Variants in SGCZ observed in about 807,000 individuals in gnomAD.
The protein encoded by SGCZ is zeta-sarcoglycan.
SGCZ carries 40 observed loss-of-function variants against 41.3 expected under a neutral mutation model. The ratio of observed to expected loss-of-function variants is 0.97; its 90% CI spans 0.75 to 1.26. The LOEUF (loss-of-function observed/expected upper bound fraction) is 1.26, where lower values mean the gene tolerates loss of function less well. Ranked by LOEUF, SGCZ falls within the 50% of genes most tolerant of loss-of-function variation. The probability of loss-of-function intolerance (pLI) is 0.00; values close to 1 mark genes in which losing one functional copy is unlikely to be tolerated. For synonymous variants in SGCZ, 206 were observed against 137.5 expected, an observed-to-expected ratio of 1.50 and a Z score of -3.49; for missense variants, 552 against 369.8, an observed-to-expected ratio of 1.49 and a Z score of -4.04.
intron 1 of SGCZ, among the ~76,000 whole-genome samples, chr8:14,769,809 A>AAAAAAAAAC (rs1800173605): frequency 6.7e-6 from 1 of 149,802 alleles, no homozygotes; most frequent in African/African-American, 2.5e-5. Flanking sequence ...AAAAAAAAAA[A>AAAAAAAAAC]AAAAAACCCA....
chr8:14,871,942 G>GTATA (rs564294844), intron 1 of SGCZ, among the ~76,000 whole-genome samples: 3 of 149,064 alleles, frequency 2.0e-5, no homozygotes, highest in African/African-American at 4.9e-5. Context: ...ATGTATATGT[G>GTATA]TATATATATA....
At chr8:14,447,415 A>C (rs1800464027) in intron 2 of SGCZ, among the ~76,000 whole-genome samples, 1 of 152,194 alleles carries the variant, frequency 6.6e-6, no homozygotes, top group Non-Finnish European at 1.5e-5. Context: ...ATCTAATGGA[A>C]TCCCAGGCAT....
chr8:14,545,131 TAGAA>T (rs957346789), intron 2 of SGCZ, among the ~76,000 whole-genome samples: 1 of 151,938 alleles, frequency 6.6e-6, no homozygotes, highest in African/African-American at 2.4e-5. Context: ...TTATGGAAAA[TAGAA>T]AGAACCTACA....
chr8:15,168,558 G>C (rs1275810095), intron 1 of SGCZ, among the ~76,000 whole-genome samples: 1 of 151,634 alleles, frequency 6.6e-6, no homozygotes, highest in East Asian at 2.0e-4. Context: ...TGCAAGGATG[G>C]AAGACGGAGA....
intron 2 of SGCZ, among the ~76,000 whole-genome samples, chr8:14,540,367 T>G (rs954195520): frequency 2.0e-5 from 3 of 151,506 alleles, no homozygotes; most frequent in Admixed American, 1.3e-4. Flanking sequence ...TTTTTATGGC[T>G]GAATATTACC....
At chr8:14,143,919 G>C (rs1803447142) in intron 5 of SGCZ, among the ~76,000 whole-genome samples, 1 of 152,166 alleles carries the variant, frequency 6.6e-6, no homozygotes, top group African/African-American at 2.4e-5. Context: ...ATGAAACTCA[G>C]CTGATGCCCA....
intron 5 of SGCZ, among the ~76,000 whole-genome samples, chr8:14,113,214 G>A (rs982310870): frequency 3.3e-5 from 5 of 151,980 alleles, no homozygotes; most frequent in Non-Finnish European, 7.4e-5. Flanking sequence ...CAATACTCCT[G>A]TAATCTGAGC....
intron 1 of SGCZ, among the ~76,000 whole-genome samples, chr8:14,810,885 A>T (rs569637070): frequency 2.6e-5 from 4 of 152,212 alleles, no homozygotes; most frequent in Non-Finnish European, 5.9e-5. Flanking sequence ...TTTGTGCATA[A>T]CATAGAGAAT....
At chr8:14,153,352 GAA>G (rs1338655944) in intron 5 of SGCZ, among the ~76,000 whole-genome samples, 1 of 152,096 alleles carries the variant, frequency 6.6e-6, no homozygotes, top group African/African-American at 2.4e-5. Flanking sequence ...TCTTCCAGGG[GAA>G]AGTTTTGACT....
intron 1 of SGCZ, among the ~76,000 whole-genome samples, chr8:15,004,379 T>G (rs1802526843): frequency 6.6e-6 from 1 of 151,940 alleles, no homozygotes; most frequent in Admixed American, 6.6e-5. Context: ...GGGTGGATAC[T>G]AGGTGGGGAA....
chr8:14,681,993 A>G (rs1294817588), intron 1 of SGCZ, among the ~76,000 whole-genome samples: 1 of 152,146 alleles, frequency 6.6e-6, no homozygotes, highest in East Asian at 1.9e-4. Flanking sequence ...TCATAGTAAC[A>G]GAGAACGAAT....
chr8:14,325,928 C>T (rs1214831270), intron 2 of SGCZ, among the ~76,000 whole-genome samples: 1 of 147,386 alleles, frequency 6.8e-6, no homozygotes, highest in Non-Finnish European at 1.5e-5. Context: ...CTGGCTAACA[C>T]GGTGAAACCC....
chr8:14,313,936 G>C (rs1007811120), intron 3 of SGCZ, among the ~76,000 whole-genome samples: 10 of 151,552 alleles, frequency 6.6e-5, no homozygotes, highest in African/African-American at 2.4e-4. Context: ...GTGTGTGTGT[G>C]TGTGTGTGTG....
At chr8:14,856,710 G>C (rs1351120431) in intron 1 of SGCZ, among the ~76,000 whole-genome samples, 1 of 152,166 alleles carries the variant, frequency 6.6e-6, no homozygotes, top group Non-Finnish European at 1.5e-5. Flanking sequence ...AGGGGGCTTA[G>C]GCAGCAGTAT....
At chr8:14,679,150 T>C (rs1156463736) in intron 1 of SGCZ, among the ~76,000 whole-genome samples, 1 of 152,174 alleles carries the variant, frequency 6.6e-6, no homozygotes, top group East Asian at 1.9e-4. Flanking sequence ...AGTCATATAA[T>C]AATATATCAC....
intron 1 of SGCZ, among the ~76,000 whole-genome samples, chr8:14,699,626 T>C (rs1809072074): frequency 6.6e-6 from 1 of 151,904 alleles, no homozygotes; most frequent in South Asian, 2.1e-4. Context: ...GGGACCAAAT[T>C]AGACTAAAGA....
intron 1 of SGCZ, among the ~76,000 whole-genome samples, chr8:15,018,022 G>T (rs147949649): frequency 4.8e-3 from 729 of 152,176 alleles, no homozygotes; most frequent in East Asian, 0.011. Flanking sequence ...GAGCCACTGC[G>T]CCTGGCTCAA....
At chr8:14,510,333 A>G (rs1181482391) in intron 2 of SGCZ, among the ~76,000 whole-genome samples, 1 of 152,126 alleles carries the variant, frequency 6.6e-6, no homozygotes, top group Admixed American at 6.6e-5. Context: ...ATAGGTTCTC[A>G]CATTCCACCT....
At chr8:15,213,611 C>T (rs1801306638) in intron 1 of SGCZ, among the ~76,000 whole-genome samples, 1 of 151,448 alleles carries the variant, frequency 6.6e-6, no homozygotes, top group African/African-American at 2.4e-5. Context: ...ATCTAAAGTG[C>T]CACATTCCTA....
Sources: allele counts gnomAD v4.1 joint callset (sites outside exome capture counted in the v4.1 genomes callset), GRCh38; gene constraint gnomAD v4.1.1; transcripts MANE v1.5; gene names NCBI Gene and HGNC (gene_info 2026-07-23, HGNC 2026-07-21).